Variants in ZNF487 observed in about 807,000 individuals in gnomAD.
ZNF487 encodes the protein zinc finger protein 487.
In ZNF487, 4 loss-of-function variants were observed where a neutral mutation model predicts 3.0. The observed-to-expected ratio is 1.35, with a 90% CI of 0.66 to 3.08. ZNF487 has a LOEUF of 3.08. Ranked by LOEUF, ZNF487 falls within the 30% of genes most tolerant of loss-of-function variation. The pLI, the probability that ZNF487 is intolerant of heterozygous loss-of-function variation, is 0.01. For missense variants in ZNF487, 146 were observed against 98.7 expected, an observed-to-expected ratio of 1.48 and a Z score of -2.03; for synonymous variants, 55 against 34.6, an observed-to-expected ratio of 1.59 and a Z score of -2.06.
At chr10:43,465,127 TGGCCGGGCGGGG>T in intron 1 of ZNF487, among the ~76,000 whole-genome samples, 1 of 114,108 alleles carries the variant, frequency 8.8e-6, no homozygotes, top group Admixed American at 1.1e-4. Flanking sequence ...ATGGGGCGGC[TGGCCGGGCGGGG>T]GGCTGACCCG....
At chr10:43,441,633 G>A (rs910451673) in intron 1 of ZNF487, among the ~76,000 whole-genome samples, 5 of 151,496 alleles carry the variant, frequency 3.3e-5, no homozygotes, top group East Asian at 3.9e-4. Flanking sequence ...TCACCCAGGC[G>A]GGAGTTGCAG....
intron 1 of ZNF487, among the ~76,000 whole-genome samples, chr10:43,455,873 C>G (rs1342545914): frequency 6.6e-6 from 1 of 152,222 alleles, no homozygotes; most frequent in Non-Finnish European, 1.5e-5. Context: ...ACTACGGGGA[C>G]GCTTCGCGCT....
At chr10:43,443,548 AT>A (rs1217001836) in intron 1 of ZNF487, among the ~76,000 whole-genome samples, 1 of 148,080 alleles carries the variant, frequency 6.8e-6, no homozygotes, top group African/African-American at 2.5e-5. Flanking sequence ...TAATTTTTGT[AT>A]TTTTAGTAGA....
chr10:43,484,543 G>T (rs1394937026), downstream of ZNF487, among the ~76,000 whole-genome samples: 1 of 152,040 alleles, frequency 6.6e-6, no homozygotes, highest in Non-Finnish European at 1.5e-5. Flanking sequence ...GGAGGTGGAG[G>T]TTGCAGTGAG....
intron 1 of ZNF487, among the ~76,000 whole-genome samples, chr10:43,440,919 T>G (rs1003794821): frequency 6.6e-6 from 1 of 151,660 alleles, no homozygotes; most frequent in Non-Finnish European, 1.5e-5. Flanking sequence ...TAGGCTGGAG[T>G]GCAGTTGTGT....
chr10:43,514,186 G>A, the ZNF487 span, among the ~76,000 whole-genome samples: 1 of 152,074 alleles, frequency 6.6e-6, no homozygotes, highest in Non-Finnish European at 1.5e-5. Context: ...TGTCATTCAG[G>A]CTGGAATGCA....
At chr10:43,501,017 TAG>T in the ZNF487 span, among the ~76,000 whole-genome samples, 23 of 152,318 alleles carry the variant, frequency 1.5e-4, no homozygotes, top group African/African-American at 5.5e-4. Flanking sequence ...GCAAACATCA[TAG>T]AGTGTGTACT....
the ZNF487 span, among the ~76,000 whole-genome samples, chr10:43,491,106 A>G: frequency 6.7e-6 from 1 of 149,596 alleles, no homozygotes; most frequent in Non-Finnish European, 1.5e-5. Context: ...AGCTGGGACT[A>G]CAGACATGTG....
the ZNF487 span, among the ~76,000 whole-genome samples, chr10:43,511,009 C>T: frequency 6.6e-6 from 1 of 152,138 alleles, no homozygotes; most frequent in African/African-American, 2.4e-5. Context: ...TTTGCGGGAA[C>T]AGGAAGCAAA....
chr10:43,463,638 C>T (rs1840521077), intron 1 of ZNF487, among the ~76,000 whole-genome samples: 1 of 151,554 alleles, frequency 6.6e-6, no homozygotes, highest in Non-Finnish European at 1.5e-5. Context: ...TCCCATCCCA[C>T]CTTGGTCCCC....
chr10:43,464,933 C>T (rs1840611270), intron 1 of ZNF487, among the ~76,000 whole-genome samples: 2 of 151,502 alleles, frequency 1.3e-5, no homozygotes, highest in Admixed American at 6.6e-5. Context: ...TCCTCACTTC[C>T]CAGTAGGGGC....
the ZNF487 span, among the ~76,000 whole-genome samples, chr10:43,510,865 C>T: frequency 2.8e-4 from 42 of 152,272 alleles, no homozygotes; most frequent in Non-Finnish European, 3.7e-4. Flanking sequence ...CCTTCTTAGC[C>T]GGTTCACTTA....
the ZNF487 span, among the ~76,000 whole-genome samples, chr10:43,495,368 T>G: frequency 6.6e-6 from 1 of 152,058 alleles, no homozygotes; most frequent in Non-Finnish European, 1.5e-5. Flanking sequence ...CTCAGCCTCC[T>G]GAGTAGCTGG....
chr10:43,478,970 A>T (rs1841204356), intron 3 of ZNF487, among the ~76,000 whole-genome samples: 1 of 149,150 alleles, frequency 6.7e-6, no homozygotes, highest in Non-Finnish European at 1.5e-5. Context: ...GCAGTAGCCG[A>T]TCTCTTTTGA....
the ZNF487 span, among the ~76,000 whole-genome samples, chr10:43,503,940 C>A: frequency 6.6e-6 from 1 of 152,086 alleles, no homozygotes; most frequent in Non-Finnish European, 1.5e-5. Context: ...ACTTACTATG[C>A]CTTTTCTATG....
chr10:43,447,998 T>A (rs1454130903), intron 1 of ZNF487, among the ~76,000 whole-genome samples: 1 of 147,366 alleles, frequency 6.8e-6, no homozygotes, highest in Non-Finnish European at 1.5e-5. Flanking sequence ...TTTTTTTTTT[T>A]TTTTTTTTTG....
downstream of ZNF487, chr10:43,483,301 C>T (rs370820393): frequency 9.4e-5 from 34 of 363,506 alleles, no homozygotes; most frequent in Admixed American, 2.6e-4. Context: ...AGTGCAATGG[C>T]GTGATCTTGG....
the ZNF487 span, among the ~76,000 whole-genome samples, chr10:43,509,458 C>CATATATATATATAT: frequency 6.0e-3 from 808 of 135,202 alleles, 4 homozygotes; most frequent in Middle Eastern, 0.019. Context: ...ACTAATGGAA[C>CATATATATATATAT]ATATATATAT....
chr10:43,509,599 T>C, the ZNF487 span, among the ~76,000 whole-genome samples: 1 of 151,860 alleles, frequency 6.6e-6, no homozygotes, highest in South Asian at 2.1e-4. Flanking sequence ...TCCAAAAGGA[T>C]TGGAGTCCAA....
Sources: gnomAD v4.1 joint callset for allele counts (sites outside exome capture counted in the v4.1 genomes callset) on GRCh38, gnomAD v4.1.1 for gene constraint, MANE v1.5 for transcripts, NCBI Gene and HGNC (gene_info 2026-07-23, HGNC 2026-07-21) for gene names.